ACTN4: variants seen among roughly 807,000 people sequenced by gnomAD.
ACTN4 encodes the protein alpha-actinin-4.
Under a neutral mutation model 114.2 loss-of-function variants are expected in ACTN4, and 18 were observed. The ratio of observed to expected loss-of-function variants is 0.16; its 90% CI spans 0.11 to 0.23. The LOEUF is 0.23. ACTN4 is among the 10% of genes least tolerant of loss of function. The pLI is 1.00. For synonymous variants in ACTN4, 515 were observed against 506.3 expected (o/e 1.02, Z -0.23); for missense variants, 722 against 1,262.9 (o/e 0.57, Z 6.49).
chr19:38,714,148 C>T (rs1467368769), intron 8 of ACTN4, among the ~76,000 whole-genome samples: 1 of 152,200 alleles, frequency 6.6e-6, no homozygotes, highest in Non-Finnish European at 1.5e-5. Context: ...GTCTTAGGTC[C>T]AACGCAGCCG....
intron 1 of ACTN4, among the ~76,000 whole-genome samples, chr19:38,652,258 C>T (rs940697798): frequency 1.3e-5 from 2 of 152,100 alleles, no homozygotes; most frequent in East Asian, 3.8e-4. Context: ...GTGTGAGAGG[C>T]AAGTATACTC....
chr19:38,718,217 T>C, intron 11 of ACTN4, 143 bp downstream of exon 11: 1 of 1,363,218 alleles, frequency 7.3e-7, no homozygotes, highest in Non-Finnish European at 1.0e-6. Flanking sequence ...CTTGGGAGCA[T>C]GTGTGTGTGT....
intron 1 of ACTN4, among the ~76,000 whole-genome samples, chr19:38,665,054 C>T (rs1173080880): frequency 1.3e-5 from 2 of 152,128 alleles, no homozygotes; most frequent in South Asian, 2.1e-4. Context: ...CACTGGGATT[C>T]GCAGTACCAC....
At chr19:38,673,626 T>C (rs1278254025) in intron 1 of ACTN4, among the ~76,000 whole-genome samples, 2 of 67,116 alleles carry the variant, frequency 3.0e-5, no homozygotes, top group East Asian at 2.9e-4. Flanking sequence ...TTTATATATA[T>C]TCATATATAT....
intron 1 of ACTN4, among the ~76,000 whole-genome samples, chr19:38,691,086 A>G (rs907323083): frequency 1.3e-5 from 2 of 152,198 alleles, no homozygotes; most frequent in Non-Finnish European, 2.9e-5. Flanking sequence ...AACAAAGAAC[A>G]TAGTTTTTGA....
rs1470797484 is a variant in ACTN4 at position 38,729,636 on chromosome 19, G to A, written c.*204G>A. ...AGGAGGTTCCCCCGACCAGGTTGGG[G>A]AGACTTGGGGCCAGCGCTTCTGGTC... On this transcript the variant is annotated 3_prime_UTR_variant, in exon 21 of 21. Coordinates refer to ENST00000252699, the MANE Select transcript of ACTN4 (RefSeq NM_004924.6). The A allele has an allele frequency of 1.3e-6, 1 of 767,362 alleles. No homozygotes were observed. The highest frequency in any genetic ancestry group is 2.0e-5 in the Admixed American group (1 of 50,006). The allele number at this position is 767,362 out of a possible 1,614,324, so 47.5% of individuals were successfully genotyped here.
chr19:38,731,309 A>G lies in ACTN4; in HGVS notation c.*1877A>G, dbSNP rs1331700410. 20 of 1,005,384 alleles carry G rather than the reference A, an allele frequency of 2.0e-5. 1 individual carries two copies. The East Asian group carries it at 4.3e-4, about 22-fold the overall frequency. 62.3% of individuals were successfully genotyped at this position (1,005,384 alleles called of 1,614,324 possible). A position where few individuals can be genotyped will look rare whatever the true frequency, so the allele number is the denominator to read the frequency against. ...CCCACCCCACCTCCTCAGGGAGGAC[A>G]TGAATGCCACAGGGTGTCACACCCC... is the stretch of plus-strand genomic sequence containing the variant. On this transcript the variant is annotated 3_prime_UTR_variant, in exon 21 of 21. Transcript: ENST00000252699.
intron 8 of ACTN4, among the ~76,000 whole-genome samples, chr19:38,712,002 T>C (rs1968670354): frequency 6.6e-6 from 1 of 152,204 alleles, no homozygotes; most frequent in African/African-American, 2.4e-5. Context: ...GTCTCTGAAG[T>C]ATCTCAGGCA....
In ACTN4 at chr19:38,679,562, G is replaced by GGTGCGTGTGT. The variant is rs1555827848; in HGVS notation, c.163-21035_163-21034insCGTGTGTGTG. Among the ~76,000 whole-genome samples, 322 of 96,374 alleles carry GGTGCGTGTGT rather than the reference G, an allele frequency of 3.3e-3. 1 individual carries two copies. The highest frequency in any genetic ancestry group is 6.2e-3 in the Non-Finnish European group (264 of 42,324). The allele number at this position is 96,374 out of a possible 152,430, so 63.2% of individuals were successfully genotyped here. ...ACCCATACGTGCTCAAATAGATTTG[G>GGTGCGTGTGT]GTGTGCGTGTGTGTGTGTGTGTGTG... On this transcript the variant is annotated intron_variant, in intron 1 of 20. Transcript: ENST00000252699.
At chr19:38,696,995 T>G (rs1010243462) in intron 1 of ACTN4, among the ~76,000 whole-genome samples, 4 of 152,216 alleles carry the variant, frequency 2.6e-5, no homozygotes, top group African/African-American at 9.7e-5. Context: ...TTAATCCCTA[T>G]CTTAACCTCT....
Position 38,727,771 on chromosome 19 carries a change from C to T in ACTN4, c.2338-175C>T, listed in dbSNP as rs147062227. On this transcript the variant is annotated intron_variant, in intron 18 of 20. Transcript: ENST00000252699. The surrounding 1 kb of genome is among the most constrained non-coding windows in gnomAD (Gnocchi z 5.4). ...GGTTGGGGAAAGGATGAAAGGGGCC[C>T]GTGCCGCCCCCGACCCCACGTGTCC... The T allele has an allele frequency of 1.6e-5, 10 of 642,634 alleles. No individual in the cohort carries two copies. The highest frequency in any genetic ancestry group is 3.7e-4 in the Middle Eastern group (1 of 2,708). The allele number at this position is 642,634 out of a possible 1,614,324, so 39.8% of individuals were successfully genotyped here.
At chr19:38,710,732 G>A (rs919138300) in intron 8 of ACTN4, 2 of 347,452 alleles carry the variant, frequency 5.8e-6, no homozygotes, top group Non-Finnish European at 1.1e-5. Flanking sequence ...GGGGTGAAGT[G>A]AGCAGGTACT....
Position 38,710,830 on chromosome 19 carries a change from C to T in ACTN4, c.819+488C>T, listed in dbSNP as rs376356822. On this transcript the variant is annotated intron_variant, in intron 8 of 20. Coordinates refer to ENST00000252699, the MANE Select transcript of ACTN4 (RefSeq NM_004924.6). ...ACGAAGGCCCTGAGACAGGAAGAAG[C>T]TTGGCGTATTCAGGGACCAGCTAGA... is the stretch of plus-strand genomic sequence containing the variant. 191 of 271,632 alleles carry T rather than the reference C, an allele frequency of 7.0e-4. 1 individual carries two copies. Among genetic ancestry groups the T allele is most frequent in the African/African-American group, 3.8e-3 (174 of 45,616 alleles). The allele number at this position is 271,632 out of a possible 1,614,324, so 16.8% of individuals were successfully genotyped here.
chr19:38,661,234 C>CT (rs1042049730), intron 1 of ACTN4, among the ~76,000 whole-genome samples: 1 of 152,214 alleles, frequency 6.6e-6, no homozygotes, highest in African/African-American at 2.4e-5. Flanking sequence ...CGCTCCTACC[C>CT]TTTCCTCCCA....
intron 1 of ACTN4, among the ~76,000 whole-genome samples, chr19:38,672,325 C>T (rs1967155241): frequency 6.7e-6 from 1 of 148,772 alleles, no homozygotes; most frequent in Non-Finnish European, 1.5e-5. Flanking sequence ...ACTGCAACCT[C>T]CACCTCCCAG....
At chr19:38,675,023 G>T (rs754266325) in intron 1 of ACTN4, among the ~76,000 whole-genome samples, 1 of 152,218 alleles carries the variant, frequency 6.6e-6, no homozygotes, top group Non-Finnish European at 1.5e-5. Context: ...CAGCCGTGTG[G>T]AGTTGGAGAG....
At chr19:38,669,639 G>A (rs542207564) in intron 1 of ACTN4, among the ~76,000 whole-genome samples, 54 of 152,276 alleles carry the variant, frequency 3.5e-4, no homozygotes, top group African/African-American at 1.3e-3. Context: ...GCTGCTGCTT[G>A]TTTTAGTAGC....
intron 1 of ACTN4, chr19:38,648,277 G>C (rs1229158560): frequency 5.3e-6 from 1 of 187,148 alleles, no homozygotes; most frequent in Non-Finnish European, 1.1e-5. Context: ...GCATGGGTTG[G>C]GGGTGCTGGG....
At chr19:38,699,793 G>A (rs1968208919) in intron 1 of ACTN4, among the ~76,000 whole-genome samples, 2 of 152,050 alleles carry the variant, frequency 1.3e-5, no homozygotes, top group South Asian at 2.1e-4. Context: ...GGAAGGATAG[G>A]GCATGGCATG....
Sources: gnomAD v4.1 joint callset for allele counts (sites outside exome capture counted in the v4.1 genomes callset) on GRCh38, gnomAD v4.1.1 for gene constraint, Gnocchi (gnomAD v3.1) non-coding constraint, MANE v1.5 for transcripts, NCBI Gene and HGNC (gene_info 2026-07-23, HGNC 2026-07-21) for gene names.